The following PEX5L variants were observed in gnomAD, a reference collection of about 807,000 sequenced individuals.
PEX5L encodes the protein PEX5-related protein.
PEX5L carries 30 observed loss-of-function variants against 84.0 expected under a neutral mutation model. That is an observed-to-expected ratio of 0.36 (90% CI 0.27 to 0.48). The LOEUF (loss-of-function observed/expected upper bound fraction) is 0.48, where lower values mean the gene tolerates loss of function less well. PEX5L is among the 20% of genes least tolerant of loss of function. The pLI is 0.99. For synonymous variants in PEX5L, 270 were observed against 283.1 expected, an observed-to-expected ratio of 0.95 and a Z score of 0.46; for missense variants, 533 against 754.6, an observed-to-expected ratio of 0.71 and a Z score of 3.44.
At chr3:179,869,451 T>C (rs1749517376) in intron 7 of PEX5L, among the ~76,000 whole-genome samples, 1 of 152,222 alleles carries the variant, frequency 6.6e-6, no homozygotes, top group Non-Finnish European at 1.5e-5. Context: ...AACTTTATTC[T>C]TAAAAACACA....
chr3:179,900,758 C>T (rs1265204825), intron 2 of PEX5L: 1 of 1,506,730 alleles, frequency 6.6e-7, no homozygotes, highest in Admixed American at 2.0e-5. Context: ...ATGACACACC[C>T]ATGTTAGTGC....
At chr3:179,981,053 A>G (rs903869054) in intron 1 of PEX5L, among the ~76,000 whole-genome samples, 2 of 151,648 alleles carry the variant, frequency 1.3e-5, no homozygotes, top group African/African-American at 4.8e-5. Flanking sequence ...AAAACAGCAG[A>G]GTCTCAAGGA....
rs138248422 is a variant in PEX5L at position 179,817,899 on chromosome 3, C to T, written c.940-1895G>A. On this transcript the variant is annotated intron_variant, in intron 9 of 14. Coordinates refer to ENST00000467460, the MANE Select transcript of PEX5L (RefSeq NM_016559.3). ...AGGCAGACCTCGGGGGCACGAGTTACAGCCCAGAGTCTGATGATCTGAATC... is the reference window on the plus strand; with the variant it reads ...AGGCAGACCTCGGGGGCACGAGTTATAGCCCAGAGTCTGATGATCTGAATC... 1.3e-3 allele frequency among the ~76,000 whole-genome samples: 192 copies of T among 152,326 alleles called. 1 individual carries two copies. The highest frequency in any genetic ancestry group is 6.8e-3 in the Middle Eastern group (2 of 294).
intron 7 of PEX5L, among the ~76,000 whole-genome samples, chr3:179,872,652 T>C (rs773698839): frequency 6.2e-4 from 94 of 152,064 alleles, no homozygotes; most frequent in South Asian, 6.2e-4. Context: ...GCATCCTGGG[T>C]CTCTATGGCA....
chr3:179,866,876 A>G (rs1212230979), intron 7 of PEX5L, among the ~76,000 whole-genome samples: 1 of 151,376 alleles, frequency 6.6e-6, no homozygotes, highest in Non-Finnish European at 1.5e-5. Context: ...AACACAAAAA[A>G]TCAGCCGGGC....
intron 11 of PEX5L, among the ~76,000 whole-genome samples, chr3:179,811,560 A>G (rs527778838): frequency 1.1e-4 from 16 of 152,312 alleles, no homozygotes; most frequent in Non-Finnish European, 1.5e-4. Flanking sequence ...GGTTTAACAC[A>G]GGCTTTCTCT....
chr3:179,813,769 C>T (rs1309935738), intron 10 of PEX5L, among the ~76,000 whole-genome samples: 15 of 151,460 alleles, frequency 9.9e-5, no homozygotes, highest in Admixed American at 2.6e-4. Context: ...CTCCGCCTCC[C>T]GGGTTCACGC....
rs1038721580 is a variant in PEX5L at position 179,798,827 on chromosome 3, A to G, written c.*3001T>C. The G allele has an allele frequency of 3.9e-5, 6 of 152,228 alleles. No homozygotes were observed. Among genetic ancestry groups the G allele is most frequent in the African/African-American group, 9.6e-5 (4 of 41,462 alleles). 9.4% of individuals were successfully genotyped at this position (152,228 alleles called of 1,614,324 possible). A position where few individuals can be genotyped will look rare whatever the true frequency, so the allele number is the denominator to read the frequency against. On this transcript the variant is annotated 3_prime_UTR_variant, in exon 15 of 15. Transcript: ENST00000467460. ...AAAATAAAGTAGATGCACTTCTAAGAAACAAAACATTTACTGTATATGATT... is the reference window on the plus strand; with the variant it reads ...AAAATAAAGTAGATGCACTTCTAAGGAACAAAACATTTACTGTATATGATT...
At position 180,008,627 on chromosome 3, in the gene PEX5L, G is replaced by T. The variant is rs1362017695; in HGVS notation, c.21+27952C>A. 2.0e-5 allele frequency among the ~76,000 whole-genome samples: 3 copies of T among 152,168 alleles called. No homozygotes were observed. The East Asian group carries it at 5.8e-4, about 29-fold the overall frequency. On this transcript the variant is annotated intron_variant, in intron 1 of 14. Transcript: ENST00000467460. ...TTGGACTTACAGTTCCACATGGCTG[G>T]GGAGGCCTCAGAATCATGGCAGGAG...
chr3:179,901,101 A>G (rs1029861553), intron 2 of PEX5L, among the ~76,000 whole-genome samples: 1 of 152,186 alleles, frequency 6.6e-6, no homozygotes, highest in Non-Finnish European at 1.5e-5. Context: ...AATTCATGGA[A>G]CTTTACAAAT....
At chr3:179,853,755 T>G (rs1334933097) in intron 8 of PEX5L, among the ~76,000 whole-genome samples, 1 of 151,878 alleles carries the variant, frequency 6.6e-6, no homozygotes, top group Non-Finnish European at 1.5e-5. Flanking sequence ...TTCTTTTCTC[T>G]TCTTCCTCCT....
chr3:179,820,021 C>G, intron 8 of PEX5L, 45 bp from the exon 9 acceptor site: 1 of 1,612,276 alleles, frequency 6.2e-7, no homozygotes, highest in Non-Finnish European at 8.5e-7. Context: ...AAGAACATGC[C>G]ACATCATCTG....
chr3:179,944,005 C>G (rs527550052), intron 2 of PEX5L, among the ~76,000 whole-genome samples: 160 of 151,664 alleles, frequency 1.1e-3, no homozygotes, highest in Non-Finnish European at 1.6e-3. Flanking sequence ...TGCCCTCCCC[C>G]CCCCAAAAAA....
intron 1 of PEX5L, among the ~76,000 whole-genome samples, chr3:180,025,896 T>C (rs567595595): frequency 6.6e-6 from 1 of 152,220 alleles, no homozygotes; most frequent in African/African-American, 2.4e-5. Context: ...CTAGTCCTTA[T>C]GAAGTCATCA....
intron 8 of PEX5L, among the ~76,000 whole-genome samples, chr3:179,846,865 T>C (rs1320708577): frequency 1.3e-5 from 2 of 152,032 alleles, no homozygotes; most frequent in East Asian, 3.9e-4. Context: ...AGTCAGACCT[T>C]TGGACTCAGA....
rs1025586181 is a variant in PEX5L, at chr3:179,946,438, C to T, written c.93+25156G>A. On this transcript the variant is annotated intron_variant, in intron 2 of 14. Transcript: ENST00000467460. The stretch of plus-strand genomic sequence containing the variant: ...CATCCCTTATCTCCCAACTGAAATT[C>T]CTTGTTTACAGGTCAAACACAGAGA... 3.9e-5 allele frequency among the ~76,000 whole-genome samples: 6 copies of T among 152,212 alleles called. 1 individual carries two copies. Among genetic ancestry groups the T allele is most frequent in the Admixed American group, 3.9e-4 (6 of 15,272 alleles).
intron 8 of PEX5L, among the ~76,000 whole-genome samples, chr3:179,820,843 T>G (rs2108961420): frequency 6.6e-6 from 1 of 152,272 alleles, no homozygotes; most frequent in South Asian, 2.1e-4. Flanking sequence ...GCAAACATCT[T>G]AAAGAATTTA....
rs201945266 is a variant in PEX5L, at chr3:179,847,700, GT to G, written c.822+11361del. Among the ~76,000 whole-genome samples, 26 of 151,290 alleles carry G rather than the reference GT, an allele frequency of 1.7e-4. No homozygotes were observed. The South Asian group carries it at 2.7e-3, about 16-fold the overall frequency. ...GTATTTTGATTTTACTTTATAAAAA[GT>G]TTTTTTTTGAGACAAGTTTTGTTTT... is the stretch of plus-strand genomic sequence containing the variant. On this transcript the variant is annotated intron_variant, in intron 8 of 14. Coordinates refer to ENST00000467460, the MANE Select transcript of PEX5L (RefSeq NM_016559.3).
chr3:179,956,601 ATAT>A (rs1780620859), intron 2 of PEX5L, among the ~76,000 whole-genome samples: 1 of 152,138 alleles, frequency 6.6e-6, no homozygotes, highest in Admixed American at 6.5e-5. Flanking sequence ...GGCTGTAAAA[ATAT>A]TTAGTTAGTT....
Sources: gnomAD v4.1 joint callset for allele counts (sites outside exome capture counted in the v4.1 genomes callset) on GRCh38, gnomAD v4.1.1 for gene constraint, MANE v1.5 for transcripts, NCBI Gene and HGNC (gene_info 2026-07-23, HGNC 2026-07-21) for gene names.